The following ADAMTS7 variants were observed in gnomAD, a reference collection of about 807,000 sequenced individuals.
The protein encoded by ADAMTS7 is ADAM metallopeptidase with thrombospondin type 1 motif 7.
A neutral mutation model predicts 172.6 loss-of-function variants in ADAMTS7; 89 were observed. That is an observed-to-expected ratio of 0.52 (90% CI 0.43 to 0.61). ADAMTS7 has a LOEUF of 0.61. ADAMTS7 is among the 20% of genes least tolerant of loss of function. The probability of loss-of-function intolerance (pLI) is 0.00; values close to 1 mark genes in which losing one functional copy is unlikely to be tolerated. For missense variants in ADAMTS7, 1,973 were observed against 2,355.6 expected (o/e 0.84, Z 3.36); for synonymous variants, 885 against 978.4 (o/e 0.90, Z 1.78).
At chr15:78,773,905 G>A (rs2055294868) in intron 13 of ADAMTS7, among the ~76,000 whole-genome samples, 1 of 152,206 alleles carries the variant, frequency 6.6e-6, no homozygotes, top group Non-Finnish European at 1.5e-5. Flanking sequence ...ACGCAGGGGG[G>A]CGAGGCCTGA....
chr15:78,795,020 T>G (rs2055625444), intron 4 of ADAMTS7, among the ~76,000 whole-genome samples: 1 of 152,180 alleles, frequency 6.6e-6, no homozygotes, highest in South Asian at 2.1e-4. Context: ...CCCAGTCGGG[T>G]GCGTCTTACT....
At chr15:78,802,178 T>A (rs1384708619) in intron 1 of ADAMTS7, among the ~76,000 whole-genome samples, 1 of 152,132 alleles carries the variant, frequency 6.6e-6, no homozygotes, top group Non-Finnish European at 1.5e-5. Flanking sequence ...AGAGGAAGTG[T>A]CCAGAACTTA....
At chr15:78,770,301 T>C (rs1389036653) in intron 16 of ADAMTS7, among the ~76,000 whole-genome samples, 3 of 151,586 alleles carry the variant, frequency 2.0e-5, no homozygotes, top group Non-Finnish European at 4.4e-5. Flanking sequence ...GTCATCATAA[T>C]AGCATTTGAA....
At chr15:78,788,504 A>G in intron 7 of ADAMTS7, 130 bp from the exon 8 acceptor site, 1 of 1,093,244 alleles carries the variant, frequency 9.1e-7, no homozygotes. Context: ...GGCTGCACCC[A>G]ATGGCTGCAG....
chr15:78,796,880 C>G, intron 3 of ADAMTS7, 94 bp from the exon 4 acceptor site: 1 of 1,179,070 alleles, frequency 8.5e-7, no homozygotes. Context: ...CTCTGGGGCA[C>G]TGGGAACCAC....
intron 1 of ADAMTS7, among the ~76,000 whole-genome samples, chr15:78,804,484 A>C (rs992388335): frequency 6.6e-6 from 1 of 152,172 alleles, no homozygotes; most frequent in Non-Finnish European, 1.5e-5. Flanking sequence ...TCAGGCTCGC[A>C]TGAATGCCTG....
intron 16 of ADAMTS7, among the ~76,000 whole-genome samples, chr15:78,769,060 A>T (rs185604019): frequency 1.4e-3 from 208 of 152,262 alleles, no homozygotes; most frequent in African/African-American, 4.7e-3. Flanking sequence ...CCACCGACAC[A>T]TCATCCCACC....
intron 20 of ADAMTS7, 25 bp downstream of exon 20, chr15:78,764,530 C>G: frequency 2.0e-6 from 3 of 1,531,556 alleles, no homozygotes; most frequent in Non-Finnish European, 2.6e-6. Context: ...CTGGGAATGC[C>G]TGTCCTGGCT....
rs3784317 is a variant in ADAMTS7 at position 78,795,754 on chromosome 15, G to C, written c.819+836C>G. ...GGCTGCTAAGAATGCCAGGGGCAGA[G>C]ATCTTTCCTCCCAGGGGCTGCAGGA... On this transcript the variant is annotated intron_variant, in intron 4 of 23. Transcript: ENST00000388820. Among the ~76,000 whole-genome samples the C allele has an allele frequency of 0.029, 4,362 of 152,312 alleles. 572 individuals carry two copies. The East Asian group carries it at 0.38, about 13-fold the overall frequency.
In ADAMTS7 at chr15:78,789,722, A is replaced by G. The variant is rs2055552277; in HGVS notation, c.1145T>C (p.Leu382Pro). ...GAGCTCGTGGGCTACAGTGAAGGCC[A>G]GCGGCAGGCCCGTGTCCTCGTTGAT... Reference protein sequence around the residue: ...CSINEDTGLPLAFTVAHELGH... With the variant: ...CSINEDTGLPPAFTVAHELGH... The change falls in exon 7 of 24, where the codon CTG (leucine) becomes CCG (proline). Residue 382 changes from leucine (L) to proline (P), a missense_variant. Transcript: ENST00000388820. 6.2e-7 allele frequency: 1 copy of G among 1,613,516 alleles called. No individual in the cohort carries two copies.
chr15:78,776,134 CTGTT>C, intron 11 of ADAMTS7, 50 bp downstream of exon 11: 2 of 1,552,236 alleles, frequency 1.3e-6, no homozygotes, highest in Non-Finnish European at 1.7e-6. Context: ...AATCGGCTGA[CTGTT>C]TGGGTCCCTC....
intron 1 of ADAMTS7, among the ~76,000 whole-genome samples, chr15:78,802,529 A>G (rs1348493742): frequency 6.6e-6 from 1 of 152,202 alleles, no homozygotes; most frequent in African/African-American, 2.4e-5. Flanking sequence ...ATTCATTTAA[A>G]GAAAGGTTCC....
rs75055770 is a variant in ADAMTS7 at position 78,796,546 on chromosome 15, C to T, written c.819+44G>A. On this transcript the variant is annotated intron_variant, in intron 4 of 23. Transcript: ENST00000388820. ...GCACCCACTCTTTGCACCCCACCCC[C>T]CAACACCATCCCCGCCACCCGCTCC... 4.6e-4 allele frequency: 722 copies of T among 1,581,158 alleles called. 2 individuals carry two copies. The African/African-American group carries it at 8.6e-3, about 19-fold the overall frequency.
intron 6 of ADAMTS7, 51 bp downstream of exon 6, chr15:78,790,619 C>T (rs1046667906): frequency 1.9e-5 from 31 of 1,603,706 alleles, no homozygotes; most frequent in South Asian, 5.5e-5. Flanking sequence ...TCTGCAGGGC[C>T]GGGAAGCACC....
At chr15:78,775,523 C>T (rs1415262304) in intron 11 of ADAMTS7, among the ~76,000 whole-genome samples, 1 of 151,702 alleles carries the variant, frequency 6.6e-6, no homozygotes, top group African/African-American at 2.4e-5. Context: ...CTTGCCTCTG[C>T]TTCTCACCAG....
At position 78,810,841 on chromosome 15, in the gene ADAMTS7, A is replaced by G. The variant is rs1041555690; in HGVS notation, c.100+280T>C. 6.0e-5 allele frequency: 18 copies of G among 302,316 alleles called. 1 individual carries two copies. Among genetic ancestry groups the G allele is most frequent in the Middle Eastern group, 8.8e-4 (1 of 1,136 alleles). The allele number at this position is 302,316 out of a possible 1,614,324, so 18.7% of individuals were successfully genotyped here. A position where few individuals can be genotyped will look rare whatever the true frequency, so the allele number is the denominator to read the frequency against. Reference sequence around the variant, plus strand: ...GCGCGTTGCTGCACCCGAGGTGGGGAAACCGGAGCCCGAAGAGCGGAAGGG... The same window carrying G: ...GCGCGTTGCTGCACCCGAGGTGGGGGAACCGGAGCCCGAAGAGCGGAAGGG... On this transcript the variant is annotated intron_variant, in intron 1 of 23. Coordinates refer to ENST00000388820, the MANE Select transcript of ADAMTS7 (RefSeq NM_014272.5).
chr15:78,809,087 A>G (rs2141532408), intron 1 of ADAMTS7, among the ~76,000 whole-genome samples: 1 of 152,262 alleles, frequency 6.6e-6, no homozygotes, highest in African/African-American at 2.4e-5. Flanking sequence ...CTCCTCTGTG[A>G]GTTCTAGTAT....
intron 3 of ADAMTS7, 26 bp downstream of exon 3, chr15:78,797,922 C>T (rs746683139): frequency 1.1e-5 from 18 of 1,588,158 alleles, no homozygotes; most frequent in South Asian, 3.4e-5. Context: ...AGCACCCACC[C>T]GAGAACTGGG....
chr15:78,775,630 T>C (rs1411902169), intron 11 of ADAMTS7, among the ~76,000 whole-genome samples: 1 of 151,762 alleles, frequency 6.6e-6, no homozygotes, highest in Non-Finnish European at 1.5e-5. Context: ...CCTTCAGTGC[T>C]GTCCCATCCT....
Sources: gnomAD v4.1 joint callset for allele counts (sites outside exome capture counted in the v4.1 genomes callset) on GRCh38, gnomAD v4.1.1 for gene constraint, MANE v1.5 for transcripts, NCBI Gene and HGNC (gene_info 2026-07-23, HGNC 2026-07-21) for gene names.